The following NRXN3 variants were observed in gnomAD, a reference collection of about 807,000 sequenced individuals.
NRXN3 encodes the protein neurexin III.
NRXN3 carries 32 observed loss-of-function variants against 137.6 expected under a neutral mutation model. That is an observed-to-expected ratio of 0.23 (90% CI 0.18 to 0.31). The LOEUF (loss-of-function observed/expected upper bound fraction) is 0.31, where lower values mean the gene tolerates loss of function less well. Ranked by LOEUF, NRXN3 falls within the 10% of genes least tolerant of loss-of-function variation. NRXN3 has a pLI of 1.00. For missense variants in NRXN3, 1,574 were observed against 2,062.5 expected (o/e 0.76, Z 4.59); for synonymous variants, 798 against 784.5 (o/e 1.02, Z -0.29).
chr14:79,826,000 A>ATTT (rs34242066), intron 20 of NRXN3, among the ~76,000 whole-genome samples: 1 of 149,834 alleles, frequency 6.7e-6, no homozygotes. Context: ...TTCCTCAAAG[A>ATTT]TTTTTTTTTT....
chr14:78,433,538 G>C lies in NRXN3; in HGVS notation c.757+135678G>C, dbSNP rs536376217. 2.0e-3 allele frequency among the ~76,000 whole-genome samples: 302 copies of C among 152,298 alleles called. 1 individual carries two copies. The highest frequency in any genetic ancestry group is 8.3e-3 in the South Asian group (40 of 4,830). The stretch of plus-strand genomic sequence containing the variant: ...AGTTGGGACCTTTAAGAGGTGATTA[G>C]GTCACGTGGGCTGTACCCTATGAAT... On this transcript the variant is annotated intron_variant, in intron 4 of 20. Coordinates refer to ENST00000335750, the MANE Select transcript of NRXN3 (RefSeq NM_001330195.2).
chr14:78,597,922 G>T (rs1344972316), intron 4 of NRXN3, among the ~76,000 whole-genome samples: 1 of 152,130 alleles, frequency 6.6e-6, no homozygotes, highest in Non-Finnish European at 1.5e-5. Flanking sequence ...AGACAGGAAG[G>T]GTGGGTTACA....
chr14:79,245,532 T>A (rs1418621716), intron 15 of NRXN3, among the ~76,000 whole-genome samples: 1 of 152,138 alleles, frequency 6.6e-6, no homozygotes, highest in Non-Finnish European at 1.5e-5. Context: ...TATTCATCTT[T>A]CCTAAGCCTC....
chr14:79,818,578 A>AAC (rs566892321), intron 20 of NRXN3, among the ~76,000 whole-genome samples: 110 of 152,130 alleles, frequency 7.2e-4, no homozygotes, highest in African/African-American at 2.6e-3. Context: ...ACAACAACAA[A>AAC]ACGAACTTGT....
At chr14:79,569,903 C>T (rs192025656) in intron 16 of NRXN3, among the ~76,000 whole-genome samples, 41 of 152,238 alleles carry the variant, frequency 2.7e-4, no homozygotes, top group Admixed American at 2.7e-3. Flanking sequence ...GCCACTGTGC[C>T]TGGCCAACAG....
At chr14:78,291,668 A>G (rs1185410892) in intron 3 of NRXN3, among the ~76,000 whole-genome samples, 1 of 152,154 alleles carries the variant, frequency 6.6e-6, no homozygotes, top group East Asian at 1.9e-4. Context: ...CAGAAACATC[A>G]GGTGAATGTT....
At chr14:78,279,465 A>G in intron 3 of NRXN3, 1 of 152,236 alleles carries the variant, frequency 6.6e-6, no homozygotes, top group Non-Finnish European at 1.5e-5. Flanking sequence ...TAAAAAGAAT[A>G]ATTAACTTGA....
chr14:79,583,753 T>G (rs2097739953), intron 16 of NRXN3, among the ~76,000 whole-genome samples: 1 of 152,196 alleles, frequency 6.6e-6, no homozygotes, highest in Non-Finnish European at 1.5e-5. Context: ...ATGAGAGGAT[T>G]AAGCTGATTA....
chr14:78,887,367 ATCTT>A (rs2099146571), intron 10 of NRXN3, among the ~76,000 whole-genome samples: 1 of 151,966 alleles, frequency 6.6e-6, no homozygotes, highest in South Asian at 2.1e-4. Flanking sequence ...AGATTATTTT[ATCTT>A]TCTTTTTTTT....
intron 4 of NRXN3, among the ~76,000 whole-genome samples, chr14:78,397,935 C>T (rs2091652683): frequency 1.3e-5 from 2 of 150,918 alleles, no homozygotes; most frequent in Non-Finnish European, 3.0e-5. Flanking sequence ...TGTTTTAGGG[C>T]CAGGGGCAGT....
intron 10 of NRXN3, among the ~76,000 whole-genome samples, chr14:78,885,989 C>T (rs1403151713): frequency 6.6e-6 from 1 of 152,082 alleles, no homozygotes; most frequent in African/African-American, 2.4e-5. Context: ...CCACACAGGC[C>T]TTCCAAGATG....
intron 4 of NRXN3, among the ~76,000 whole-genome samples, chr14:78,408,125 A>G (rs1206158067): frequency 1.3e-5 from 2 of 152,302 alleles, no homozygotes; most frequent in South Asian, 2.1e-4. Context: ...GATGTTTAAC[A>G]AGTTCATGTG....
intron 1 of NRXN3, among the ~76,000 whole-genome samples, chr14:78,236,727 A>T (rs1435178724): frequency 3.6e-5 from 2 of 55,108 alleles, no homozygotes; most frequent in South Asian, 6.8e-4. Flanking sequence ...GATAGGTATT[A>T]TTCCCCCCCC....
intron 15 of NRXN3, among the ~76,000 whole-genome samples, chr14:79,442,489 A>G (rs1410530523): frequency 6.6e-6 from 1 of 152,214 alleles, no homozygotes; most frequent in Non-Finnish European, 1.5e-5. Flanking sequence ...AGCCTATAGA[A>G]AACAAAAACA....
chr14:78,957,805 T>C (rs1378479365), intron 11 of NRXN3, among the ~76,000 whole-genome samples: 1 of 152,230 alleles, frequency 6.6e-6, no homozygotes, highest in East Asian at 1.9e-4. Flanking sequence ...AAACAGTGCA[T>C]GATACTTAGA....
At chr14:78,761,054 T>A (rs1408807229) in intron 8 of NRXN3, among the ~76,000 whole-genome samples, 1 of 152,198 alleles carries the variant, frequency 6.6e-6, no homozygotes, top group Non-Finnish European at 1.5e-5. Context: ...ATGTGTTTCA[T>A]CATATTAGCA....
At chr14:79,752,991 A>G (rs1203114769) in intron 19 of NRXN3, among the ~76,000 whole-genome samples, 1 of 151,938 alleles carries the variant, frequency 6.6e-6, no homozygotes, top group African/African-American at 2.4e-5. Context: ...ACTGGCCATC[A>G]GAGAAATGCA....
chr14:79,502,690 C>T (rs2096837620), intron 16 of NRXN3, among the ~76,000 whole-genome samples: 1 of 152,046 alleles, frequency 6.6e-6, no homozygotes, highest in Non-Finnish European at 1.5e-5. Context: ...CCTCCTTTCT[C>T]CTAATTTTGG....
Position 79,357,926 on chromosome 14 carries a change from G to T in NRXN3, c.3263-109295G>T, listed in dbSNP as rs1475139442. Among the ~76,000 whole-genome samples, 10 of 152,086 alleles carry T rather than the reference G, an allele frequency of 6.6e-5. No homozygotes were observed. The East Asian group carries it at 1.9e-3, about 30-fold the overall frequency. On this transcript the variant is annotated intron_variant, in intron 15 of 20. Transcript: ENST00000335750. The stretch of plus-strand genomic sequence containing the variant: ...TCCTCTGTTCCTTGCTCCTTCTTTT[G>T]CTCAGTCAGCATAGGAACATAGCTC...
Sources: allele counts gnomAD v4.1 joint callset (sites outside exome capture counted in the v4.1 genomes callset), GRCh38; gene constraint gnomAD v4.1.1; transcripts MANE v1.5; gene names NCBI Gene and HGNC (gene_info 2026-07-23, HGNC 2026-07-21).